The following CTNNA1 variants were observed in gnomAD, a reference collection of about 807,000 sequenced individuals.
CTNNA1 encodes the protein catenin alpha 1.
CTNNA1 carries 37 observed loss-of-function variants against 98.4 expected under a neutral mutation model. The ratio of observed to expected loss-of-function variants is 0.38; its 90% confidence interval spans 0.29 to 0.49. The LOEUF is 0.49. CTNNA1 is among the 20% of genes least tolerant of loss of function. The pLI, the probability that CTNNA1 is intolerant of heterozygous loss-of-function variation, is 0.95. For missense variants in CTNNA1, 761 were observed against 1,147.2 expected (o/e 0.66, Z 4.86); for synonymous variants, 404 against 413.2 (o/e 0.98, Z 0.27).
intron 9 of CTNNA1, among the ~76,000 whole-genome samples, chr5:138,887,904 A>T (rs1754441117): frequency 6.6e-6 from 1 of 152,198 alleles, no homozygotes; most frequent in African/African-American, 2.4e-5. Context: ...AAGATAAATC[A>T]TGACATGACT....
At chr5:138,819,865 G>A (rs553505299) in intron 5 of CTNNA1, among the ~76,000 whole-genome samples, 1 of 124,524 alleles carries the variant, frequency 8.0e-6, no homozygotes, top group Non-Finnish European at 1.7e-5. Context: ...GGGCGGGGGG[G>A]TGAGTGGGGG....
chr5:138,835,792 A>C (rs953146606), intron 7 of CTNNA1, among the ~76,000 whole-genome samples: 1 of 152,104 alleles, frequency 6.6e-6, no homozygotes, highest in Non-Finnish European at 1.5e-5. Flanking sequence ...TCTCTTAGCA[A>C]GTTTTCCAAA....
chr5:138,860,806 G>A (rs1177442221), intron 7 of CTNNA1, among the ~76,000 whole-genome samples: 1 of 152,164 alleles, frequency 6.6e-6, no homozygotes, highest in Non-Finnish European at 1.5e-5. Context: ...GTTTTTGGAA[G>A]TTGACAGCAA....
chr5:138,836,780 T>C (rs1761813439), intron 7 of CTNNA1, among the ~76,000 whole-genome samples: 1 of 152,196 alleles, frequency 6.6e-6, no homozygotes, highest in Non-Finnish European at 1.5e-5. Context: ...TTGAAAAGAC[T>C]TCATATCTAA....
At chr5:138,790,499 C>G (rs1190372268) in intron 3 of CTNNA1, among the ~76,000 whole-genome samples, 1 of 152,150 alleles carries the variant, frequency 6.6e-6, no homozygotes, top group Non-Finnish European at 1.5e-5. Context: ...GTGTGAGTTC[C>G]TATGGCAATG....
At chr5:138,846,252 C>T (rs984194662) in intron 7 of CTNNA1, among the ~76,000 whole-genome samples, 1 of 152,048 alleles carries the variant, frequency 6.6e-6, no homozygotes, top group Non-Finnish European at 1.5e-5. Flanking sequence ...GCGCCTGGCC[C>T]AAGGGTACTG....
At chr5:138,811,703 G>T (rs972392571) in intron 4 of CTNNA1, among the ~76,000 whole-genome samples, 15 of 152,034 alleles carry the variant, frequency 9.9e-5, no homozygotes, top group Non-Finnish European at 2.9e-5. Context: ...ATCACTCGCG[G>T]TTAGGAGCTG....
rs1404468316 is a variant in CTNNA1, at chr5:138,934,262, A to T, written c.*173A>T. On this transcript the variant is annotated 3_prime_UTR_variant, in exon 18 of 18. Coordinates refer to ENST00000302763, the MANE Select transcript of CTNNA1 (RefSeq NM_001903.5). Reference sequence around the variant, plus strand: ...AAGAACATAGTTTAAGTTGATTAAAAATGCTTTTAGAATGCAGGAGCCTAC... The same window carrying T: ...AAGAACATAGTTTAAGTTGATTAAATATGCTTTTAGAATGCAGGAGCCTAC... The T allele has an allele frequency of 1.7e-6, 1 of 575,684 alleles. No individual in the cohort carries two copies. Among genetic ancestry groups the T allele is most frequent in the Non-Finnish European group, 3.0e-6 (1 of 329,950 alleles). 35.7% of individuals were successfully genotyped at this position (575,684 alleles called of 1,614,324 possible). A position where few individuals can be genotyped will look rare whatever the true frequency, so the allele number is the denominator to read the frequency against.
chr5:138,825,724 G>A (rs962528225), intron 6 of CTNNA1, among the ~76,000 whole-genome samples: 1 of 151,910 alleles, frequency 6.6e-6, no homozygotes, highest in Non-Finnish European at 1.5e-5. Context: ...GATCCTTGTT[G>A]ATATGCATGG....
chr5:138,790,044 TG>T (rs1756184048), intron 3 of CTNNA1, among the ~76,000 whole-genome samples: 1 of 152,192 alleles, frequency 6.6e-6, no homozygotes, highest in Non-Finnish European at 1.5e-5. Context: ...GGGAGATTAG[TG>T]TTAGCTGTGT....
intron 7 of CTNNA1, among the ~76,000 whole-genome samples, chr5:138,847,295 C>T (rs535684192): frequency 3.2e-4 from 25 of 78,936 alleles, no homozygotes; most frequent in Admixed American, 7.8e-4. Context: ...TTAAAGCCGG[C>T]GTAGTCCCTC....
chr5:138,794,749 G>A (rs968079665), intron 3 of CTNNA1, among the ~76,000 whole-genome samples: 1 of 152,208 alleles, frequency 6.6e-6, no homozygotes, highest in Non-Finnish European at 1.5e-5. Context: ...ATGGAGATGG[G>A]ATGGGGTAGG....
chr5:138,819,595 A>C (rs1249945281), intron 5 of CTNNA1, among the ~76,000 whole-genome samples: 1 of 152,088 alleles, frequency 6.6e-6, no homozygotes, highest in Non-Finnish European at 1.5e-5. Flanking sequence ...CAGTCCAGGC[A>C]CTGATTCCTT....
At chr5:138,909,503 G>A (rs2150174943) in intron 10 of CTNNA1, among the ~76,000 whole-genome samples, 1 of 151,880 alleles carries the variant, frequency 6.6e-6, no homozygotes, top group African/African-American at 2.4e-5. Flanking sequence ...GACCACAGGT[G>A]GACTCCACCA....
At chr5:138,841,607 A>G (rs1046221421) in intron 7 of CTNNA1, among the ~76,000 whole-genome samples, 1 of 134,902 alleles carries the variant, frequency 7.4e-6, no homozygotes, top group African/African-American at 2.7e-5. Context: ...ACTGTTGGGC[A>G]CCAATTCCAT....
intron 9 of CTNNA1, among the ~76,000 whole-genome samples, chr5:138,901,591 A>G (rs550425049): frequency 1.2e-4 from 18 of 152,248 alleles, no homozygotes; most frequent in East Asian, 3.9e-4. Context: ...CACCCAGCCA[A>G]TGAAAAATTT....
chr5:138,868,355 C>T (rs1007083365), intron 7 of CTNNA1, among the ~76,000 whole-genome samples: 6 of 152,206 alleles, frequency 3.9e-5, no homozygotes, highest in African/African-American at 1.4e-4. Flanking sequence ...CTTTTCCCAT[C>T]TGTACTCACT....
chr5:138,849,082 G>A (rs1344604901), intron 7 of CTNNA1, among the ~76,000 whole-genome samples: 3 of 152,164 alleles, frequency 2.0e-5, no homozygotes, highest in Non-Finnish European at 4.4e-5. Context: ...GGCTCTGATC[G>A]TCAGTGTTCA....
intron 6 of CTNNA1, among the ~76,000 whole-genome samples, chr5:138,827,066 C>T (rs1202438351): frequency 1.3e-5 from 2 of 152,210 alleles, no homozygotes; most frequent in Non-Finnish European, 2.9e-5. Flanking sequence ...CATAAGCCAC[C>T]ACACCTGGCT....
Sources: gnomAD v4.1 joint callset for allele counts (sites outside exome capture counted in the v4.1 genomes callset) on GRCh38, gnomAD v4.1.1 for gene constraint, MANE v1.5 for transcripts, NCBI Gene and HGNC (gene_info 2026-07-23, HGNC 2026-07-21) for gene names.